The following UGT2B7 variants were observed in gnomAD, a reference collection of about 807,000 sequenced individuals.
UGT2B7 encodes UDP-glucuronosyltransferase 2B7.
In UGT2B7, 51 loss-of-function variants were observed where a neutral mutation model predicts 51.9. The ratio of observed to expected loss-of-function variants is 0.98; its 90% CI spans 0.78 to 1.24. The LOEUF is 1.24. Ranked by LOEUF, UGT2B7 falls within the 50% of genes most tolerant of loss-of-function variation. The pLI, the probability that UGT2B7 is intolerant of heterozygous loss-of-function variation, is 0.00. For missense variants in UGT2B7, 727 were observed against 628.4 expected (o/e 1.16, Z -1.68); for synonymous variants, 225 against 211.6 (o/e 1.06, Z -0.55).
chr4:69,093,460 G>C (rs1719135054), upstream of UGT2B7, among the ~76,000 whole-genome samples: 1 of 152,162 alleles, frequency 6.6e-6, no homozygotes. Context: ...TGTGAAAATG[G>C]GGCCCGCAGA....
chr4:69,097,214 T>G lies in UGT2B7; in HGVS notation c.694T>G (p.Trp232Gly). 1 of 1,612,422 alleles carries G rather than the reference T, an allele frequency of 6.2e-7. No individual in the cohort carries two copies. The stretch of plus-strand genomic sequence containing the variant: ...GTTCGAAATATTTGACATGAAGAAG[T>G]GGGATCAGTTTTATAGTGAAGTTCT... ...FWFEIFDMKK[W>G]DQFYSEVLGR... Residue 232 changes from tryptophan to glycine, a missense_variant, in exon 1 of 6, where the codon TGG becomes GGG. Coordinates refer to ENST00000305231, the MANE Select transcript of UGT2B7 (RefSeq NM_001074.4).
intron 1 of UGT2B7, among the ~76,000 whole-genome samples, chr4:69,079,785 T>C (rs964697313): frequency 3.3e-5 from 5 of 152,092 alleles, no homozygotes; most frequent in African/African-American, 7.2e-5. Context: ...TTATTTGGCA[T>C]ATACAATGTG....
At chr4:69,093,911 C>A (rs1253094209), upstream of UGT2B7, among the ~76,000 whole-genome samples, 5 of 152,166 alleles carry the variant, frequency 3.3e-5, no homozygotes, top group Admixed American at 6.5e-5. Context: ...TGTATTTACT[C>A]ACCCCTTCTG....
At chr4:69,056,085 G>A (rs1015989970) in intron 1 of UGT2B7, among the ~76,000 whole-genome samples, 10 of 151,906 alleles carry the variant, frequency 6.6e-5, no homozygotes, top group African/African-American at 2.4e-4. Context: ...CTGTGCAATT[G>A]GCACCATTAA....
intron 3 of UGT2B7, among the ~76,000 whole-genome samples, chr4:69,105,476 T>A (rs1421961497): frequency 3.9e-5 from 6 of 152,172 alleles, no homozygotes; most frequent in Non-Finnish European, 1.5e-5. Context: ...AGTTTCAAAA[T>A]TAGTAACTTA....
upstream of UGT2B7, among the ~76,000 whole-genome samples, chr4:69,094,585 C>T (rs1363984669): frequency 2.0e-5 from 3 of 152,172 alleles, no homozygotes; most frequent in African/African-American, 7.2e-5. Flanking sequence ...TCATCTGAGT[C>T]TTCAGTCAGT....
Position 69,082,937 on chromosome 4 carries a change from T to C in UGT2B7, c.-158-6535T>C, listed in dbSNP as rs147130999. 1.4e-3 allele frequency among the ~76,000 whole-genome samples: 220 copies of C among 152,236 alleles called. 1 individual carries two copies. Among genetic ancestry groups the C allele is most frequent in the African/African-American group, 5.2e-3 (215 of 41,574 alleles). On this transcript the variant is annotated intron_variant, in intron 1 of 5. Transcript: ENST00000502942. Reference sequence around the variant, plus strand: ...CTCTTTCGTTAGTGGCTAATTCAGCTGGTGAGTTTAGTTGAAGCCAATGTT... The same window carrying C: ...CTCTTTCGTTAGTGGCTAATTCAGCCGGTGAGTTTAGTTGAAGCCAATGTT...
intron 3 of UGT2B7, among the ~76,000 whole-genome samples, chr4:69,104,659 G>A (rs532882533): frequency 6.6e-6 from 1 of 152,200 alleles, no homozygotes; most frequent in Admixed American, 6.5e-5. Context: ...AGAAATGTAG[G>A]TGAAGTTTTG....
chr4:69,073,052 C>T (rs1264187304), intron 1 of UGT2B7, among the ~76,000 whole-genome samples: 1 of 152,058 alleles, frequency 6.6e-6, no homozygotes, highest in African/African-American at 2.4e-5. Context: ...GTGGTCACTT[C>T]CCTAATGTCC....
upstream of UGT2B7, among the ~76,000 whole-genome samples, chr4:69,094,181 C>G (rs1719159889): frequency 1.2e-5 from 1 of 84,598 alleles, no homozygotes; most frequent in Admixed American, 1.4e-4. Context: ...GCTCTGTCGC[C>G]CAGGCTGGAG....
At chr4:69,086,364 A>T (rs4446391) in intron 1 of UGT2B7, among the ~76,000 whole-genome samples, 87,268 of 151,306 alleles carry the variant, frequency 0.58, 26,164 homozygotes, top group African/African-American at 0.71. Context: ...TTTTGATTTT[A>T]AAAAAATTTA....
At chr4:69,071,786 A>G (rs191723982) in intron 1 of UGT2B7, among the ~76,000 whole-genome samples, 1 of 152,260 alleles carries the variant, frequency 6.6e-6, no homozygotes, top group East Asian at 1.9e-4. Flanking sequence ...ATAGCCAAGT[A>G]CAAGAAAAAA....
At chr4:69,077,814 T>A (rs909502531) in intron 1 of UGT2B7, among the ~76,000 whole-genome samples, 1 of 152,178 alleles carries the variant, frequency 6.6e-6, no homozygotes, top group African/African-American at 2.4e-5. Context: ...TCCAATACTA[T>A]GTTGAATAGA....
intron 1 of UGT2B7, among the ~76,000 whole-genome samples, chr4:69,080,531 G>C (rs1329882291): frequency 7.0e-6 from 1 of 142,672 alleles, no homozygotes; most frequent in Non-Finnish European, 1.5e-5. Flanking sequence ...CTGGGCAACA[G>C]AGCAAGACTC....
intron 1 of UGT2B7, among the ~76,000 whole-genome samples, chr4:69,083,492 C>T (rs1718880375): frequency 1.3e-5 from 2 of 151,976 alleles, no homozygotes; most frequent in African/African-American, 4.8e-5. Context: ...GAACTTGATT[C>T]CAATCCTCAT....
At chr4:69,064,112 A>AAGAAAGAGAGAGAGAGAGAAAGAAAG (rs754723956) in intron 1 of UGT2B7, among the ~76,000 whole-genome samples, 3 of 86,836 alleles carry the variant, frequency 3.5e-5, no homozygotes, top group Admixed American at 1.1e-4. Flanking sequence ...GAAAGAAAGA[A>AAGAAAGAGAGAGAGAGAGAAAGAAAG]AAAGAAAGAA....
chr4:69,064,543 A>G (rs1483080272), intron 1 of UGT2B7, among the ~76,000 whole-genome samples: 3 of 152,222 alleles, frequency 2.0e-5, no homozygotes, highest in Non-Finnish European at 4.4e-5. Flanking sequence ...TTGCAAAGCA[A>G]CAGTCATGTG....
At chr4:69,072,552 TAA>T (rs958727839) in intron 1 of UGT2B7, among the ~76,000 whole-genome samples, 4 of 152,212 alleles carry the variant, frequency 2.6e-5, no homozygotes, top group African/African-American at 9.6e-5. Context: ...ATATGCTAAT[TAA>T]AAGTTTCCTT....
intron 1 of UGT2B7, among the ~76,000 whole-genome samples, chr4:69,077,474 T>C (rs1718736543): frequency 6.6e-6 from 1 of 152,198 alleles, no homozygotes; most frequent in African/African-American, 2.4e-5. Flanking sequence ...CCGTGGTTTG[T>C]AGATCTCCTT....
Sources: allele counts gnomAD v4.1 joint callset (sites outside exome capture counted in the v4.1 genomes callset), GRCh38; gene constraint gnomAD v4.1.1; transcripts MANE v1.5; gene names NCBI Gene and HGNC (gene_info 2026-07-23, HGNC 2026-07-21).